Variants in MAGI3 observed in about 807,000 individuals in gnomAD.
The protein encoded by MAGI3 is membrane-associated guanylate kinase, WW and PDZ domain-containing protein 3.
MAGI3 carries 43 observed loss-of-function variants against 121.8 expected under a neutral mutation model. The ratio of observed to expected loss-of-function variants is 0.35; its 90% confidence interval spans 0.28 to 0.46. The LOEUF (loss-of-function observed/expected upper bound fraction) is 0.46. Ranked by LOEUF, MAGI3 falls within the 20% of genes least tolerant of loss-of-function variation. The pLI, the probability that MAGI3 is intolerant of heterozygous loss-of-function variation, is 1.00. For synonymous variants in MAGI3, 553 were observed against 639.3 expected (o/e 0.86, Z 2.04); for missense variants, 1,547 against 1,797.3 (o/e 0.86, Z 2.52).
rs759591213 is a variant in MAGI3 at position 113,437,806 on chromosome 1, T to TTTCTTCTTCTTCTTC, written c.316+46500_316+46514dup. Among the ~76,000 whole-genome samples, 11 of 119,582 alleles carry TTTCTTCTTCTTCTTC rather than the reference T, an allele frequency of 9.2e-5. 2 individuals carry two copies. In the South Asian group the frequency reaches 9.3e-4, roughly 10 times the overall value. The allele number at this position is 119,582 out of a possible 152,430, so 78.5% of individuals were successfully genotyped here. A position where few individuals can be genotyped will look rare whatever the true frequency, so the allele number is the denominator to read the frequency against. ...CTTCTTCTTCCTTCTTCTTTCTTCT[T>TTTCTTCTTCTTCTTC]TTCTTCTTCTTCTTCTTCTTCTTCT... On this transcript the variant is annotated intron_variant, in intron 1 of 20. Transcript: ENST00000307546.
chr1:113,619,658 G>A, intron 7 of MAGI3, 78 bp from the exon 8 acceptor site: 1 of 955,396 alleles, frequency 1.0e-6, no homozygotes, highest in East Asian at 2.4e-5. Context: ...TATGATGATG[G>A]AATGGTATGA....
At chr1:113,598,198 C>T (rs952916746) in intron 6 of MAGI3, among the ~76,000 whole-genome samples, 12 of 151,850 alleles carry the variant, frequency 7.9e-5, no homozygotes, top group East Asian at 1.9e-4. Context: ...GGCAACAGAG[C>T]GAGACTCTGC....
intron 1 of MAGI3, among the ~76,000 whole-genome samples, chr1:113,423,027 G>C (rs1652806384): frequency 6.6e-6 from 1 of 152,152 alleles, no homozygotes; most frequent in South Asian, 2.1e-4. Context: ...CCCACAGCTT[G>C]GTGAGCCGAC....
intron 1 of MAGI3, among the ~76,000 whole-genome samples, chr1:113,410,793 C>G (rs185351056): frequency 1.3e-5 from 2 of 152,130 alleles, no homozygotes; most frequent in Admixed American, 1.3e-4. Context: ...TTATGTTAAC[C>G]CTGCCTAAGT....
At position 113,452,778 on chromosome 1, in the gene MAGI3, A is replaced by C. The variant is rs536467942; in HGVS notation, c.316+61429A>C. 3.9e-5 allele frequency among the ~76,000 whole-genome samples: 6 copies of C among 152,318 alleles called. No homozygotes were observed. In the East Asian group the frequency reaches 1.2e-3, roughly 29 times the overall value. ...AGTGGCACAGGCCAAAAAGGAGATT[A>C]AAGTAGGATGAGGGGGAAACAAGGA... is the stretch of plus-strand genomic sequence containing the variant. On this transcript the variant is annotated intron_variant, in intron 1 of 20. Coordinates refer to ENST00000307546, the MANE Select transcript of MAGI3 (RefSeq NM_001142782.2).
chr1:113,632,276 C>T (rs918113163), intron 9 of MAGI3, among the ~76,000 whole-genome samples: 1 of 152,116 alleles, frequency 6.6e-6, no homozygotes, highest in Non-Finnish European at 1.5e-5. Context: ...ACCTTTTCAA[C>T]ATTTTATCCA....
chr1:113,413,070 G>A (rs1189918391), intron 1 of MAGI3, among the ~76,000 whole-genome samples: 1 of 152,088 alleles, frequency 6.6e-6, no homozygotes, highest in Non-Finnish European at 1.5e-5. Flanking sequence ...TGTAAGGAAG[G>A]GATCCAGTTT....
In MAGI3 at chr1:113,618,810, C is replaced by T. The variant is rs568720818; in HGVS notation, c.1077-926C>T. Among the ~76,000 whole-genome samples, 6 of 152,294 alleles carry T rather than the reference C, an allele frequency of 3.9e-5. 1 individual carries two copies. The South Asian group carries it at 1.2e-3, about 32-fold the overall frequency. On this transcript the variant is annotated intron_variant, in intron 7 of 20. Transcript: ENST00000307546. ...TGAGCCACTGCACCCGGCCTCACTT[C>T]TTTAATTAAAGTGGAAAACTGTAGC...
At chr1:113,645,155 C>G (rs368301777) in intron 11 of MAGI3, among the ~76,000 whole-genome samples, 1 of 151,564 alleles carries the variant, frequency 6.6e-6, no homozygotes, top group Non-Finnish European at 1.5e-5. Context: ...CTCCCAGTAG[C>G]TGGAATTACA....
chr1:113,402,667 G>C (rs1003649468), intron 1 of MAGI3, among the ~76,000 whole-genome samples: 2 of 151,868 alleles, frequency 1.3e-5, no homozygotes, highest in African/African-American at 4.8e-5. Flanking sequence ...TAAATTTTAG[G>C]GCAAGAGGAC....
At chr1:113,522,169 G>C (rs976476769) in intron 1 of MAGI3, among the ~76,000 whole-genome samples, 1 of 152,176 alleles carries the variant, frequency 6.6e-6, no homozygotes, top group African/African-American at 2.4e-5. Flanking sequence ...GCAGTGGCAC[G>C]ATCTCTATTC....
chr1:113,548,649 T>G (rs1659641054), intron 1 of MAGI3, among the ~76,000 whole-genome samples: 1 of 152,200 alleles, frequency 6.6e-6, no homozygotes, highest in African/African-American at 2.4e-5. Flanking sequence ...TGTAGGGCCT[T>G]CTAGTCCCTG....
chr1:113,630,305 G>A (rs1409351431), intron 9 of MAGI3, among the ~76,000 whole-genome samples: 1 of 152,124 alleles, frequency 6.6e-6, no homozygotes, highest in Non-Finnish European at 1.5e-5. Flanking sequence ...AGGCTCTTCA[G>A]TCAGCTTGTG....
chr1:113,674,171 C>T (rs971688211), intron 19 of MAGI3, among the ~76,000 whole-genome samples: 3 of 152,162 alleles, frequency 2.0e-5, no homozygotes, highest in African/African-American at 7.2e-5. Flanking sequence ...GTGGGCAGAT[C>T]GCCTGAGGTC....
At chr1:113,669,812 G>A (rs1015582958) in intron 16 of MAGI3, among the ~76,000 whole-genome samples, 1 of 152,106 alleles carries the variant, frequency 6.6e-6, no homozygotes, top group Non-Finnish European at 1.5e-5. Flanking sequence ...TTACAGGCAT[G>A]AGCCACCGCG....
intron 1 of MAGI3, among the ~76,000 whole-genome samples, chr1:113,459,377 T>C (rs1654921823): frequency 6.6e-6 from 1 of 152,216 alleles, no homozygotes; most frequent in South Asian, 2.1e-4. Flanking sequence ...TTTAGCTTCA[T>C]AAACATCATA....
intron 1 of MAGI3, among the ~76,000 whole-genome samples, chr1:113,546,692 C>G (rs1054872386): frequency 1.3e-5 from 2 of 151,892 alleles, no homozygotes; most frequent in African/African-American, 2.4e-5. Flanking sequence ...CTGTTCGTCT[C>G]GGTGTTACAT....
At chr1:113,438,942 G>C (rs188232591) in intron 1 of MAGI3, among the ~76,000 whole-genome samples, 1 of 151,662 alleles carries the variant, frequency 6.6e-6, no homozygotes, top group Non-Finnish European at 1.5e-5. Context: ...CCCTTGTTAA[G>C]TTGAGAACTT....
At chr1:113,651,467 G>A (rs1653160859) in intron 14 of MAGI3, among the ~76,000 whole-genome samples, 1 of 152,046 alleles carries the variant, frequency 6.6e-6, no homozygotes, top group African/African-American at 2.4e-5. Flanking sequence ...TATTATAGGT[G>A]GGAGTATTGA....
Sources: gnomAD v4.1 joint callset for allele counts (sites outside exome capture counted in the v4.1 genomes callset) on GRCh38, gnomAD v4.1.1 for gene constraint, MANE v1.5 for transcripts, NCBI Gene and HGNC (gene_info 2026-07-23, HGNC 2026-07-21) for gene names.